Variants in PPME1 observed in about 807,000 individuals in gnomAD.
PPME1 encodes the protein testicular secretory protein Li 39.
A neutral mutation model predicts 56.9 loss-of-function variants in PPME1; 17 were observed. That is an observed-to-expected ratio of 0.30 (90% CI 0.20 to 0.45). The LOEUF (loss-of-function observed/expected upper bound fraction) is 0.45. Among genes scored for constraint, PPME1 ranks in the 20% least tolerant of loss-of-function variants. PPME1 has a pLI of 1.00. For synonymous variants in PPME1, 122 were observed against 156.2 expected, an observed-to-expected ratio of 0.78 and a Z score of 1.63; for missense variants, 357 against 483.2, an observed-to-expected ratio of 0.74 and a Z score of 2.45.
intron 10 of PPME1, among the ~76,000 whole-genome samples, chr11:74,246,844 C>T (rs1859516711): frequency 6.6e-6 from 1 of 152,108 alleles, no homozygotes; most frequent in South Asian, 2.1e-4. Context: ...TAAGGATATT[C>T]TGATTATTAT....
intron 8 of PPME1, 65 bp from the exon 9 acceptor site, chr11:74,239,068 G>A: frequency 6.8e-7 from 1 of 1,471,202 alleles, no homozygotes; most frequent in Non-Finnish European, 9.3e-7. Context: ...GTAAGTATGA[G>A]TATCTCTGAG....
chr11:74,230,310 A>G lies in PPME1; in HGVS notation c.464A>G (p.His155Arg). ...DLPPPIMLIG[H>R]SMGGAIAVHT... Reference sequence around the variant, plus strand: ...CCTCCTCCAATTATGCTGATTGGACATAGCATGGGTGGTGCTATTGCAGTC... The same window carrying G: ...CCTCCTCCAATTATGCTGATTGGACGTAGCATGGGTGGTGCTATTGCAGTC... The change falls in exon 6 of 14, where the codon CAT (histidine) becomes CGT (arginine). Residue 155 changes from histidine to arginine, a missense_variant. Physicochemically the swap from His to Arg is conservative, Grantham distance 29. Coordinates refer to ENST00000328257, the MANE Select transcript of PPME1 (RefSeq NM_016147.3). This position sits in a 1 kb window ranked among gnomAD's most constrained non-coding sequence, Gnocchi z 4.9. The G allele has an allele frequency of 1.2e-6, 2 of 1,613,744 alleles. No homozygotes were observed. The highest frequency in any genetic ancestry group is 1.7e-6 in the Non-Finnish European group (2 of 1,179,708).
intron 1 of PPME1, among the ~76,000 whole-genome samples, chr11:74,186,599 A>G (rs1287675230): frequency 6.6e-6 from 1 of 152,136 alleles, no homozygotes; most frequent in African/African-American, 2.4e-5. Context: ...TCCTGTGTTT[A>G]TCTCCATTGT....
chr11:74,223,240 A>G (rs1161982164), intron 4 of PPME1, among the ~76,000 whole-genome samples: 55 of 151,614 alleles, frequency 3.6e-4, no homozygotes, highest in African/African-American at 7.5e-4. Context: ...ATGATTTCCA[A>G]TTTCATCCAT....
chr11:74,233,377 G>A (rs1591059181), intron 7 of PPME1, among the ~76,000 whole-genome samples: 2 of 152,004 alleles, frequency 1.3e-5, no homozygotes, highest in African/African-American at 4.8e-5. Context: ...TTATTCTGCT[G>A]GATATCTGAA....
intron 8 of PPME1, among the ~76,000 whole-genome samples, chr11:74,236,272 G>A (rs1285653734): frequency 2.6e-5 from 4 of 152,072 alleles, no homozygotes; most frequent in Non-Finnish European, 5.9e-5. Flanking sequence ...GTTAACCTTA[G>A]TGATAGCAGC....
chr11:74,228,379 A>C (rs1418376693), intron 5 of PPME1, among the ~76,000 whole-genome samples: 1 of 152,158 alleles, frequency 6.6e-6, no homozygotes. Flanking sequence ...CTCTGAGCAA[A>C]GGCATCATGG....
intron 1 of PPME1, among the ~76,000 whole-genome samples, chr11:74,176,287 A>G (rs1033901350): frequency 6.6e-6 from 1 of 152,140 alleles, no homozygotes; most frequent in African/African-American, 2.4e-5. Context: ...TCTTTCATCC[A>G]TCTTCTTAAA....
chr11:74,240,752 G>T (rs892339889), intron 9 of PPME1, among the ~76,000 whole-genome samples: 1 of 152,150 alleles, frequency 6.6e-6, no homozygotes, highest in African/African-American at 2.4e-5. Flanking sequence ...CCATATTATG[G>T]TGTAGAATCT....
chr11:74,245,324 T>TTTAAGATAA (rs1297586582), intron 9 of PPME1, among the ~76,000 whole-genome samples: 3 of 152,174 alleles, frequency 2.0e-5, no homozygotes, highest in Non-Finnish European at 4.4e-5. Flanking sequence ...TGTTACTATC[T>TTTAAGATAA]CATGTTCACT....
Position 74,201,329 on chromosome 11 carries a change from G to T in PPME1, c.102-2399G>T, listed in dbSNP as rs542532520. Among the ~76,000 whole-genome samples the T allele has an allele frequency of 8.6e-5, 13 of 151,888 alleles. No homozygotes were observed. The South Asian group carries it at 2.7e-3, about 31-fold the overall frequency. On this transcript the variant is annotated intron_variant, in intron 1 of 13. Transcript: ENST00000328257. ...AAATGAAGGAAATTAGAAGTGGAGG[G>T]TGTTCTCCTGTGAATAATTTCTACT...
intron 7 of PPME1, among the ~76,000 whole-genome samples, chr11:74,234,494 A>G (rs1859144495): frequency 6.6e-6 from 1 of 152,202 alleles, no homozygotes; most frequent in Non-Finnish European, 1.5e-5. Context: ...TGATGAGATA[A>G]AAGGAAAACC....
chr11:74,174,993 G>T (rs1222754773), intron 1 of PPME1, among the ~76,000 whole-genome samples: 1 of 152,116 alleles, frequency 6.6e-6, no homozygotes, highest in Non-Finnish European at 1.5e-5. Context: ...GATGCCAATG[G>T]ATGTTGCCAA....
intron 4 of PPME1, 112 bp downstream of exon 4, chr11:74,222,481 AT>A: frequency 1.0e-6 from 1 of 959,288 alleles, no homozygotes; most frequent in Non-Finnish European, 1.6e-6. Context: ...GGTCTATTCC[AT>A]TTGAGCTTTT....
At chr11:74,216,204 C>G (rs1858637633) in intron 3 of PPME1, among the ~76,000 whole-genome samples, 1 of 152,170 alleles carries the variant, frequency 6.6e-6, no homozygotes, top group Non-Finnish European at 1.5e-5. Context: ...TTCTTCTCCT[C>G]AAGACATGGA....
intron 3 of PPME1, among the ~76,000 whole-genome samples, chr11:74,209,189 C>T (rs760840379): frequency 2.0e-5 from 3 of 152,170 alleles, no homozygotes; most frequent in Admixed American, 6.5e-5. Context: ...TCACTGCAAC[C>T]TTGACCTCCT....
At chr11:74,203,538 T>G (rs1415075164) in intron 1 of PPME1, among the ~76,000 whole-genome samples, 190 bp from the exon 2 acceptor site, 1 of 152,234 alleles carries the variant, frequency 6.6e-6, no homozygotes, top group Non-Finnish European at 1.5e-5. Flanking sequence ...TTTAAATGCA[T>G]TTACATTATT....
At chr11:74,175,589 C>T (rs1256095744) in intron 1 of PPME1, among the ~76,000 whole-genome samples, 5 of 151,836 alleles carry the variant, frequency 3.3e-5, no homozygotes, top group African/African-American at 1.2e-4. Flanking sequence ...CTGTGTTGCC[C>T]AGGCTGAAGT....
At chr11:74,194,590 C>A in intron 1 of PPME1, among the ~76,000 whole-genome samples, 1 of 151,086 alleles carries the variant, frequency 6.6e-6, no homozygotes, top group Non-Finnish European at 1.5e-5. Flanking sequence ...TAATTATACA[C>A]TATGATTGTA....
Sources: gnomAD v4.1 joint callset for allele counts (sites outside exome capture counted in the v4.1 genomes callset) on GRCh38, gnomAD v4.1.1 for gene constraint, Gnocchi (gnomAD v3.1) non-coding constraint, MANE v1.5 for transcripts, NCBI Gene and HGNC (gene_info 2026-07-23, HGNC 2026-07-21) for gene names.